Variants in ODF2 observed in about 807,000 individuals in gnomAD.
ODF2 encodes the protein outer dense fiber of sperm tails 2.
ODF2 carries 47 observed loss-of-function variants against 110.2 expected under a neutral mutation model. The ratio of observed to expected loss-of-function variants is 0.43; its 90% CI spans 0.34 to 0.54. ODF2 has a LOEUF of 0.54. Ranked by LOEUF, ODF2 falls within the 20% of genes least tolerant of loss-of-function variation. The pLI, the probability that ODF2 is intolerant of heterozygous loss-of-function variation, is 0.03. For synonymous variants in ODF2, 352 were observed against 397.7 expected (o/e 0.89, Z 1.37); for missense variants, 812 against 1,054.5 (o/e 0.77, Z 3.19).
intron 2 of ODF2, chr9:128,457,542 T>C: frequency 2.1e-6 from 3 of 1,401,230 alleles, no homozygotes; most frequent in South Asian, 1.5e-5. Context: ...TTGTGTTTGC[T>C]GAAAGTCTGG....
At chr9:128,484,935 G>T in intron 12 of ODF2, 49 bp downstream of exon 12, 1 of 1,592,202 alleles carries the variant, frequency 6.3e-7, no homozygotes, top group African/African-American at 1.3e-5. Context: ...AGGAGGGCTG[G>T]GTGATGGCAG....
intron 4 of ODF2, among the ~76,000 whole-genome samples, chr9:128,463,154 C>T (rs1233864837): frequency 6.6e-6 from 1 of 152,000 alleles, no homozygotes; most frequent in Non-Finnish European, 1.5e-5. Context: ...TCCAGCTACT[C>T]AGAAGGCTGA....
chr9:128,500,795 C>T (rs886591084), downstream of ODF2: 1 of 152,984 alleles, frequency 6.5e-6, no homozygotes, highest in Non-Finnish European at 1.5e-5. Flanking sequence ...CACTTGCCCC[C>T]AAGCACTTCA....
chr9:128,457,172 TCTA>T, intron 1 of ODF2: 1 of 1,438,790 alleles, frequency 7.0e-7, no homozygotes, highest in Non-Finnish European at 9.2e-7. Flanking sequence ...TCGCTCAGCC[TCTA>T]CTATTTCCCC....
intron 1 of ODF2, chr9:128,456,786 A>G: frequency 3.7e-6 from 3 of 813,230 alleles, no homozygotes; most frequent in Non-Finnish European, 5.2e-6. Context: ...GCCCCCTCCC[A>G]GCCCGGCGTC....
chr9:128,462,445 G>A (rs1453497541), intron 4 of ODF2, among the ~76,000 whole-genome samples: 4 of 152,032 alleles, frequency 2.6e-5, no homozygotes, highest in African/African-American at 7.2e-5. Context: ...CACCACACCC[G>A]GCCCGAATCT....
At chr9:128,473,838 G>A (rs565633035) in intron 8 of ODF2, 97 bp downstream of exon 8, 5 of 1,112,446 alleles carry the variant, frequency 4.5e-6, no homozygotes, top group East Asian at 5.0e-5. Flanking sequence ...ATTGGTGCCC[G>A]ACCTGAGAGG....
chr9:128,483,650 C>T (rs1254393469), intron 10 of ODF2, among the ~76,000 whole-genome samples: 2 of 151,396 alleles, frequency 1.3e-5, no homozygotes, highest in South Asian at 2.1e-4. Flanking sequence ...TTTGGGAGGC[C>T]GAGGCAGGTG....
At chr9:128,461,827 T>A (rs1254925184) in intron 4 of ODF2, among the ~76,000 whole-genome samples, 3 of 152,178 alleles carry the variant, frequency 2.0e-5, no homozygotes, top group Admixed American at 1.3e-4. Context: ...TAGTCATACC[T>A]CATAAAACTA....
At chr9:128,469,822 T>C (rs867171649) in intron 5 of ODF2, among the ~76,000 whole-genome samples, 35 of 148,934 alleles carry the variant, frequency 2.4e-4, no homozygotes, top group African/African-American at 8.4e-4. Flanking sequence ...CTGTCTCTAC[T>C]AAAAAACAAA....
chr9:128,486,758 T>C (rs950691863), intron 13 of ODF2, among the ~76,000 whole-genome samples: 3 of 152,158 alleles, frequency 2.0e-5, no homozygotes, highest in Non-Finnish European at 2.9e-5. Context: ...ACCACACTCA[T>C]TGCCGTTCCT....
At chr9:128,491,339 G>A (rs1014310184) in intron 14 of ODF2, among the ~76,000 whole-genome samples, 7 of 149,980 alleles carry the variant, frequency 4.7e-5, no homozygotes, top group African/African-American at 1.5e-4. Context: ...CACCACATCC[G>A]GCCCACAACA....
At position 128,482,894 on chromosome 9, in the gene ODF2, TG is replaced by T; in HGVS notation, c.987+8del. 6.7e-7 allele frequency: 1 copy of T among 1,499,168 alleles called. No homozygotes were observed. Among genetic ancestry groups the T allele is most frequent in the East Asian group, 2.4e-5 (1 of 42,092 alleles). The allele number at this position is 1,499,168 out of a possible 1,614,324, so 92.9% of individuals were successfully genotyped here. On this transcript the variant is annotated splice_region_variant and intron_variant, in intron 10 of 20. Transcript: ENST00000604420. ...GGAAATACAATGTGAGAAGGTAGTG[TG>T]CTTTTTTTTTTTTTTTTTTTAGACG...
intron 2 of ODF2, among the ~76,000 whole-genome samples, chr9:128,457,939 A>T (rs1049016265): frequency 4.1e-4 from 29 of 70,632 alleles, no homozygotes; most frequent in African/African-American, 1.5e-3. Flanking sequence ...ATATATATAT[A>T]TATATTTTTT....
intron 5 of ODF2, among the ~76,000 whole-genome samples, chr9:128,470,041 ATATAT>A (rs1185103765): frequency 3.1e-5 from 3 of 98,158 alleles, no homozygotes; most frequent in African/African-American, 1.1e-4. Context: ...ATATATATAT[ATATAT>A]AAATAAAAAA....
chr9:128,460,635 A>G (rs1488657375), intron 3 of ODF2: 1 of 1,614,062 alleles, frequency 6.2e-7, no homozygotes, highest in Non-Finnish European at 8.5e-7. Flanking sequence ...CACATAAAAA[A>G]ACTCCCGAAA....
intron 5 of ODF2, 90 bp downstream of exon 5, chr9:128,469,443 T>G: frequency 1.5e-6 from 2 of 1,371,694 alleles, no homozygotes; most frequent in Non-Finnish European, 2.1e-6. Flanking sequence ...TCAGCCTGCG[T>G]CTGCAGGCCT....
intron 4 of ODF2, among the ~76,000 whole-genome samples, chr9:128,465,240 C>T (rs1212139656): frequency 1.3e-5 from 2 of 152,144 alleles, no homozygotes; most frequent in Non-Finnish European, 1.5e-5. Flanking sequence ...CCAGTGGCTT[C>T]CTGTGGCCCT....
chr9:128,460,687 C>T (rs770978665), intron 3 of ODF2, 21 bp downstream of exon 3: 4 of 1,613,420 alleles, frequency 2.5e-6, no homozygotes, highest in East Asian at 2.2e-5. Flanking sequence ...GCCAGTGGGG[C>T]GAGGTAGTAG....
Sources: gnomAD v4.1 joint callset for allele counts (sites outside exome capture counted in the v4.1 genomes callset) on GRCh38, gnomAD v4.1.1 for gene constraint, MANE v1.5 for transcripts, NCBI Gene and HGNC (gene_info 2026-07-23, HGNC 2026-07-21) for gene names.